RPS6KA2: variants seen among roughly 807,000 people sequenced by gnomAD.
RPS6KA2 encodes the protein ribosomal protein S6 kinase alpha-2.
RPS6KA2 carries 42 observed loss-of-function variants against 91.8 expected under a neutral mutation model. That is an observed-to-expected ratio of 0.46 (90% CI 0.36 to 0.59). The LOEUF is 0.59. Among genes scored for constraint, RPS6KA2 ranks in the 20% least tolerant of loss-of-function variants. The pLI, the probability that RPS6KA2 is intolerant of heterozygous loss-of-function variation, is 0.00. For missense variants in RPS6KA2, 798 were observed against 978.5 expected, an observed-to-expected ratio of 0.82 and a Z score of 2.46; for synonymous variants, 414 against 393.6, an observed-to-expected ratio of 1.05 and a Z score of -0.61.
At chr6:166,547,225 T>C (rs1045020844) in intron 1 of RPS6KA2, among the ~76,000 whole-genome samples, 2 of 151,574 alleles carry the variant, frequency 1.3e-5, no homozygotes, top group Non-Finnish European at 2.9e-5. Flanking sequence ...GAAATGGGAG[T>C]GTGCACGGGG....
chr6:166,476,249 C>CA (rs1780971036), intron 10 of RPS6KA2, among the ~76,000 whole-genome samples: 1 of 152,198 alleles, frequency 6.6e-6, no homozygotes, highest in Non-Finnish European at 1.5e-5. Flanking sequence ...GCCAGGGACA[C>CA]ATTCCTTTCA....
At chr6:166,471,312 G>A (rs573907532) in intron 10 of RPS6KA2, among the ~76,000 whole-genome samples, 34 of 152,274 alleles carry the variant, frequency 2.2e-4, no homozygotes, top group African/African-American at 6.5e-4. Context: ...GGAACTGCCC[G>A]TGTCCTGACC....
At chr6:166,645,675 G>A (rs548148811) in intron 2 of RPS6KA2, among the ~76,000 whole-genome samples, 1 of 152,340 alleles carries the variant, frequency 6.6e-6, no homozygotes, top group South Asian at 2.1e-4. Context: ...ACTCCAGGAA[G>A]CCTGGCCCCA....
At chr6:166,749,709 A>C (rs1370891919) in intron 2 of RPS6KA2, among the ~76,000 whole-genome samples, 1 of 46,296 alleles carries the variant, frequency 2.2e-5, no homozygotes, top group Non-Finnish European at 3.9e-5. Context: ...TCAGGCCCCC[A>C]CCTCCTCAGG....
chr6:166,482,879 T>G (rs1472876421), intron 10 of RPS6KA2, among the ~76,000 whole-genome samples: 1 of 152,210 alleles, frequency 6.6e-6, no homozygotes, highest in Non-Finnish European at 1.5e-5. Context: ...TTCGCAGCCA[T>G]GCTACAGGAC....
At chr6:166,638,219 G>A (rs932430844) in intron 2 of RPS6KA2, among the ~76,000 whole-genome samples, 7 of 152,244 alleles carry the variant, frequency 4.6e-5, no homozygotes, top group African/African-American at 1.7e-4. Context: ...TCCAAGGAGC[G>A]CAAGCTCGCA....
At chr6:166,826,699 G>A (rs1054834305) in intron 2 of RPS6KA2, among the ~76,000 whole-genome samples, 3 of 152,172 alleles carry the variant, frequency 2.0e-5, no homozygotes, top group Admixed American at 6.5e-5. Flanking sequence ...CATTGACCTC[G>A]ATTTTGCCAT....
chr6:166,664,723 T>C (rs1788267214), intron 2 of RPS6KA2, among the ~76,000 whole-genome samples: 1 of 152,210 alleles, frequency 6.6e-6, no homozygotes, highest in African/African-American at 2.4e-5. Flanking sequence ...TTATACATTA[T>C]ATATTAAGAA....
intron 1 of RPS6KA2, among the ~76,000 whole-genome samples, chr6:166,596,103 C>T (rs1785523891): frequency 6.6e-6 from 1 of 152,246 alleles, no homozygotes; most frequent in Non-Finnish European, 1.5e-5. Flanking sequence ...GCAAACTGCA[C>T]TCACTAGAGT....
intron 2 of RPS6KA2, among the ~76,000 whole-genome samples, chr6:166,745,550 A>G (rs561193313): frequency 6.6e-6 from 1 of 152,152 alleles, no homozygotes; most frequent in Non-Finnish European, 1.5e-5. Context: ...CCTCCCTCCC[A>G]ATACAGTCCC....
chr6:166,685,084 C>G (rs753963025), intron 2 of RPS6KA2, among the ~76,000 whole-genome samples: 1 of 152,264 alleles, frequency 6.6e-6, no homozygotes, highest in Admixed American at 6.5e-5. Flanking sequence ...GCACCCCAAC[C>G]TCGAAGTCCC....
Position 166,412,782 on chromosome 6 carries a change from G to T in RPS6KA2, c.2182C>A (p.Leu728Ile), listed in dbSNP as rs1338218673. 6.3e-7 allele frequency: 1 copy of T among 1,598,342 alleles called. No homozygotes were observed. Among genetic ancestry groups the T allele is most frequent in the Admixed American group, 1.7e-5 (1 of 57,566 alleles). Residue 728 changes from leucine to isoleucine, a missense_variant, in exon 21 of 21, where the codon CTC becomes ATC. Leu to Ile is a conservative substitution (Grantham distance 5, BLOSUM62 2). Transcript: ENST00000265678. The surrounding 1 kb of genome is among the most constrained non-coding windows in gnomAD (Gnocchi z 4.3). ...NLAQRRGMKR[L>I]TSTRL ...ACCCGCTACAGCCGCGTGGACGTGA[G>T]TCTCTTCATGCCTCTGCGCTGAGCC...
At chr6:166,535,193 G>A (rs746352987) in intron 2 of RPS6KA2, among the ~76,000 whole-genome samples, 9 of 152,170 alleles carry the variant, frequency 5.9e-5, no homozygotes, top group Non-Finnish European at 1.2e-4. Flanking sequence ...AAGATGCTGT[G>A]AGAACCGCGA....
In RPS6KA2 at chr6:166,807,298, C is replaced by T. The variant is rs763136440; in HGVS notation, c.123+50902G>A. On this transcript the variant is annotated intron_variant, in intron 2 of 21. Transcript: ENST00000503859. ...TCCTGACACTCGTGATCATTTCCTCCGTTTTGAATCCTCTTCTTACCTAGC... is the reference window on the plus strand; with the variant it reads ...TCCTGACACTCGTGATCATTTCCTCTGTTTTGAATCCTCTTCTTACCTAGC... Among the ~76,000 whole-genome samples, 4 of 152,170 alleles carry T rather than the reference C, an allele frequency of 2.6e-5. No homozygotes were observed. In the East Asian group the frequency reaches 5.8e-4, roughly 22 times the overall value.
At chr6:166,614,837 G>A (rs1320355181) in intron 1 of RPS6KA2, among the ~76,000 whole-genome samples, 1 of 152,126 alleles carries the variant, frequency 6.6e-6, no homozygotes, top group African/African-American at 2.4e-5. Context: ...CTCTCACGAG[G>A]ACTCTTGTGA....
chr6:166,412,648 C>T lies in RPS6KA2; in HGVS notation c.*114G>A, dbSNP rs1778347911. ...AAAACACGGACACGGCGAGGGCGGG[C>T]GCCGCCTCCCTGCTGGACTTGTGGT... On this transcript the variant is annotated 3_prime_UTR_variant, in exon 21 of 21. Coordinates refer to ENST00000265678, the MANE Select transcript of RPS6KA2 (RefSeq NM_021135.6). The surrounding 1 kb of genome is among the most constrained non-coding windows in gnomAD (Gnocchi z 4.3). The T allele has an allele frequency of 6.4e-6, 7 of 1,085,644 alleles. No homozygotes were observed. The South Asian group carries it at 6.7e-5, about 10-fold the overall frequency. The allele number at this position is 1,085,644 out of a possible 1,614,324, so 67.3% of individuals were successfully genotyped here. A position where few individuals can be genotyped will look rare whatever the true frequency, so the allele number is the denominator to read the frequency against.
At chr6:166,779,498 C>T (rs1481090457) in intron 2 of RPS6KA2, among the ~76,000 whole-genome samples, 1 of 152,162 alleles carries the variant, frequency 6.6e-6, no homozygotes, top group Non-Finnish European at 1.5e-5. Flanking sequence ...GGAGCCTGTG[C>T]TTGTGACCCC....
rs1032584122 is a variant in RPS6KA2, at chr6:166,821,130, T to A, written c.123+37070A>T. On this transcript the variant is annotated intron_variant, in intron 2 of 21. Coordinates refer to the RPS6KA2 transcript ENST00000503859. The surrounding 1 kb of genome is among the most constrained non-coding windows in gnomAD (Gnocchi z 4.1). ...ACACGCTAGGCACAGAGTGAGCACA[T>A]AGGAATTATAAGTATTAATTAGGAT... 9.9e-5 allele frequency among the ~76,000 whole-genome samples: 15 copies of A among 152,180 alleles called. 1 individual carries two copies. Among genetic ancestry groups the A allele is most frequent in the Admixed American group, 9.8e-4 (15 of 15,282 alleles).
chr6:166,785,641 T>A (rs1379819200), intron 2 of RPS6KA2, among the ~76,000 whole-genome samples: 2 of 152,212 alleles, frequency 1.3e-5, no homozygotes, highest in Non-Finnish European at 2.9e-5. Flanking sequence ...TGAACAAGGT[T>A]AAATAATTTA....
Sources: gnomAD v4.1 joint callset for allele counts (sites outside exome capture counted in the v4.1 genomes callset) on GRCh38, gnomAD v4.1.1 for gene constraint, Gnocchi (gnomAD v3.1) non-coding constraint, MANE v1.5 for transcripts, NCBI Gene and HGNC (gene_info 2026-07-23, HGNC 2026-07-21) for gene names.